Variants in TTC17 observed in about 807,000 individuals in gnomAD.
The protein encoded by TTC17 is tetratricopeptide repeat domain 17.
TTC17 carries 58 observed loss-of-function variants against 143.8 expected under a neutral mutation model. The ratio of observed to expected loss-of-function variants is 0.40; its 90% CI spans 0.33 to 0.50. The LOEUF (loss-of-function observed/expected upper bound fraction) is 0.50, where lower values mean the gene tolerates loss of function less well. TTC17 is among the 20% of genes least tolerant of loss of function. TTC17 has a pLI of 0.49. For missense variants in TTC17, 1,273 were observed against 1,392.5 expected (o/e 0.91, Z 1.37); for synonymous variants, 501 against 497.8 (o/e 1.01, Z -0.09).
At chr11:43,423,498 C>T (rs1315765054) in intron 16 of TTC17, among the ~76,000 whole-genome samples, 7 of 151,546 alleles carry the variant, frequency 4.6e-5, no homozygotes, top group Admixed American at 3.9e-4. Context: ...ACTGGAAGAG[C>T]AGGGTCATGA....
chr11:43,487,192 C>T (rs1242879579), intron 21 of TTC17, among the ~76,000 whole-genome samples: 3 of 152,180 alleles, frequency 2.0e-5, no homozygotes, highest in Non-Finnish European at 4.4e-5. Context: ...GTCACCCAGG[C>T]TGGAGTGTAG....
chr11:43,409,746 TA>T (rs1565151743), intron 15 of TTC17, among the ~76,000 whole-genome samples: 1 of 152,250 alleles, frequency 6.6e-6, no homozygotes, highest in Non-Finnish European at 1.5e-5. Flanking sequence ...AATTAACATT[TA>T]TAAAACAAGT....
intron 16 of TTC17, among the ~76,000 whole-genome samples, chr11:43,437,653 G>A (rs1306954791): frequency 6.6e-6 from 1 of 152,166 alleles, no homozygotes; most frequent in Non-Finnish European, 1.5e-5. Context: ...ACTTTGGGAA[G>A]CATTTATTTT....
At chr11:43,444,435 TAAAGG>T (rs1036274280) in intron 18 of TTC17, 1 of 343,046 alleles carries the variant, frequency 2.9e-6, no homozygotes, top group African/African-American at 2.1e-5. Flanking sequence ...TAATAAATCA[TAAAGG>T]AAGAAAAATT....
intron 15 of TTC17, among the ~76,000 whole-genome samples, chr11:43,411,901 TGATC>T (rs921270355): frequency 2.0e-4 from 31 of 152,346 alleles, no homozygotes; most frequent in African/African-American, 7.5e-4. Context: ...ACATTTCTGA[TGATC>T]TAACAGCCCC....
At chr11:43,422,531 T>A (rs568148829) in intron 16 of TTC17, among the ~76,000 whole-genome samples, 6 of 152,292 alleles carry the variant, frequency 3.9e-5, no homozygotes, top group South Asian at 4.1e-4. Flanking sequence ...TAGGGTATTC[T>A]AGCCAACATT....
intron 1 of TTC17, among the ~76,000 whole-genome samples, chr11:43,365,135 C>CTT (rs970008451): frequency 3.3e-5 from 5 of 152,024 alleles, no homozygotes; most frequent in Admixed American, 3.3e-4. Context: ...ACAGGTCACT[C>CTT]TGTCACCCAG....
At chr11:43,421,029 A>G (rs1730171187) in intron 16 of TTC17, among the ~76,000 whole-genome samples, 1 of 152,198 alleles carries the variant, frequency 6.6e-6, no homozygotes, top group African/African-American at 2.4e-5. Flanking sequence ...GCCAGTCACT[A>G]TTCTAGGAAT....
Position 43,490,287 on chromosome 11 carries a change from G to A in TTC17, c.3079G>A (p.Val1027Met). Reference protein sequence around the residue: ...LSSMAALYWRVKGQGKKAIDC... With the variant: ...LSSMAALYWRMKGQGKKAIDC... ...CAGCATGGCAGCCCTCTACTGGAGG[G>A]TGAAAGGCCAAGGAAAGAAGGCAAT... The change falls in exon 22 of 24, where the codon GTG (valine) becomes ATG (methionine). Residue 1027 changes from valine to methionine, a missense_variant. Physicochemically the swap from Val to Met is conservative, Grantham distance 21. This residue lies in a region of TTC17 where 878 missense variants were observed against 899.8 expected (regional missense o/e 0.98). Transcript: ENST00000039989. 6.2e-7 allele frequency: 1 copy of A among 1,613,236 alleles called. No individual in the cohort carries two copies.
intron 21 of TTC17, among the ~76,000 whole-genome samples, chr11:43,458,374 G>A (rs1947803111): frequency 6.6e-6 from 1 of 152,112 alleles, no homozygotes; most frequent in Non-Finnish European, 1.5e-5. Context: ...AGCACGTGAT[G>A]GGTCAGGGCT....
At chr11:43,446,864 C>CA (rs1947553740) in intron 18 of TTC17, 1 of 185,448 alleles carries the variant, frequency 5.4e-6, no homozygotes, top group Non-Finnish European at 1.0e-5. Context: ...TATTAATAAA[C>CA]AGAGCTTTAA....
chr11:43,414,174 C>A (rs1946723820), intron 15 of TTC17, among the ~76,000 whole-genome samples: 1 of 152,054 alleles, frequency 6.6e-6, no homozygotes, highest in Non-Finnish European at 1.5e-5. Context: ...CAAAAGGACA[C>A]ATATTACATG....
intron 21 of TTC17, among the ~76,000 whole-genome samples, chr11:43,469,299 A>G (rs2134825088): frequency 6.6e-6 from 1 of 152,346 alleles, no homozygotes; most frequent in South Asian, 2.1e-4. Flanking sequence ...ATTATTTTGG[A>G]AAACAGTTTG....
At chr11:43,363,556 T>A (rs1856201000) in intron 1 of TTC17, among the ~76,000 whole-genome samples, 1 of 152,248 alleles carries the variant, frequency 6.6e-6, no homozygotes, top group Admixed American at 6.5e-5. Context: ...ATTAAGAGTA[T>A]CATCTGTATC....
chr11:43,444,197 C>T lies in TTC17; in HGVS notation c.2653C>T (p.Pro885Ser). ...GATCACTGGCCCCAAGGTGGCATCT[C>T]CTGGGCCACAAGGTAAATTTGAATG... ...LEITGPKVAS[P>S]GPQGKKRDYQ... The change falls in exon 18 of 24, where the codon CCT becomes TCT. Residue 885 changes from proline to serine, a missense_variant. Transcript: ENST00000039989. The T allele has an allele frequency of 6.2e-7, 1 of 1,601,680 alleles. No individual in the cohort carries two copies. Among genetic ancestry groups the T allele is most frequent in the Non-Finnish European group, 8.5e-7 (1 of 1,176,478 alleles).
rs562594929 is a variant in TTC17, at chr11:43,462,921, C to CTTTTTTTTTTTTTTTTTTTTTTT, written c.3030+11668_3030+11669insTTTTTTTTTTTTTTTTTTTTTTT. On this transcript the variant is annotated intron_variant, in intron 21 of 23. Coordinates refer to ENST00000039989, the MANE Select transcript of TTC17 (RefSeq NM_018259.6). Reference sequence around the variant, plus strand: ...CACTGAATCCAGCAGTGACAAAATTCTTTTTTTTTTTTGAGACAGAGTCTC... The same window carrying CTTTTTTTTTTTTTTTTTTTTTTT: ...CACTGAATCCAGCAGTGACAAAATTCTTTTTTTTTTTTTTTTTTTTTTTTTTTTTTTTTTTGAGACAGAGTCTC... Among the ~76,000 whole-genome samples, 15 of 117,744 alleles carry CTTTTTTTTTTTTTTTTTTTTTTT rather than the reference C, an allele frequency of 1.3e-4. 1 individual carries two copies. Among genetic ancestry groups the CTTTTTTTTTTTTTTTTTTTTTTT allele is most frequent in the African/African-American group, 4.0e-4 (10 of 24,766 alleles). 77.2% of individuals were successfully genotyped at this position (117,744 alleles called of 152,430 possible). A position where few individuals can be genotyped will look rare whatever the true frequency, so the allele number is the denominator to read the frequency against.
chr11:43,427,137 G>T (rs1947047637), intron 16 of TTC17, among the ~76,000 whole-genome samples: 1 of 152,052 alleles, frequency 6.6e-6, no homozygotes, highest in Admixed American at 6.6e-5. Flanking sequence ...CATTTGGTTG[G>T]CCTAAATATC....
At chr11:43,404,193 C>T in intron 11 of TTC17, 49 bp downstream of exon 11, 1 of 1,564,290 alleles carries the variant, frequency 6.4e-7, no homozygotes, top group South Asian at 1.2e-5. Context: ...TGGCAAGATC[C>T]ATTAAAGCAG....
intron 3 of TTC17, 56 bp downstream of exon 3, chr11:43,389,877 A>C: frequency 4.2e-5 from 62 of 1,461,532 alleles, no homozygotes; most frequent in Non-Finnish European, 5.3e-5. Flanking sequence ...TTCCTTTCTC[A>C]AATTAGTAAG....
Sources: gnomAD v4.1 joint callset for allele counts (sites outside exome capture counted in the v4.1 genomes callset) on GRCh38, gnomAD v4.1.1 for gene constraint, gnomAD v4.1.1 regional missense constraint, MANE v1.5 for transcripts, NCBI Gene and HGNC (gene_info 2026-07-23, HGNC 2026-07-21) for gene names.